NDUFAF6: variants seen among roughly 807,000 people sequenced by gnomAD.
The protein encoded by NDUFAF6 is NADH:ubiquinone oxidoreductase complex assembly factor 6.
In NDUFAF6, 45 loss-of-function variants were observed where a neutral mutation model predicts 40.8. That is an observed-to-expected ratio of 1.10 (90% CI 0.87 to 1.42). The LOEUF (loss-of-function observed/expected upper bound fraction) is 1.42. NDUFAF6 is among the 40% of genes most tolerant of loss of function. The probability of loss-of-function intolerance (pLI) is 0.00; values close to 1 mark genes in which losing one functional copy is unlikely to be tolerated. For missense variants in NDUFAF6, 435 were observed against 418.5 expected (o/e 1.04, Z -0.34); for synonymous variants, 185 against 155.9 (o/e 1.19, Z -1.39).
At chr8:95,019,680 G>A (rs1827610382) in intron 2 of NDUFAF6, among the ~76,000 whole-genome samples, 1 of 152,182 alleles carries the variant, frequency 6.6e-6, no homozygotes, top group Non-Finnish European at 1.5e-5. Context: ...ATAACATAGT[G>A]ACCACTTTGC....
At chr8:95,047,508 CTT>C (rs373655223) in intron 6 of NDUFAF6, among the ~76,000 whole-genome samples, 3,531 of 126,270 alleles carry the variant, frequency 0.028, 117 homozygotes, top group African/African-American at 0.095. Context: ...CTTTTCTTTT[CTT>C]TTTTTTTTTT....
At chr8:95,060,428 A>G (rs769736156), downstream of NDUFAF6, among the ~76,000 whole-genome samples, 8 of 152,258 alleles carry the variant, frequency 5.3e-5, no homozygotes, top group Non-Finnish European at 7.3e-5. Flanking sequence ...GTTGCATATC[A>G]TTATGAAATA....
chr8:95,093,361 G>A (rs1395593069), intron 2 of NDUFAF6, among the ~76,000 whole-genome samples: 2 of 152,188 alleles, frequency 1.3e-5, no homozygotes, highest in African/African-American at 4.8e-5. Context: ...ACTGAAACAT[G>A]ACAATGTGTG....
chr8:95,098,767 T>C (rs2132073895), upstream of NDUFAF6, among the ~76,000 whole-genome samples: 1 of 152,042 alleles, frequency 6.6e-6, no homozygotes, highest in South Asian at 2.1e-4. Flanking sequence ...CATGTTAAAA[T>C]ACAAAATTAG....
At chr8:95,025,965 C>T (rs570512801) in intron 1 of NDUFAF6, among the ~76,000 whole-genome samples, 7 of 152,328 alleles carry the variant, frequency 4.6e-5, no homozygotes, top group Admixed American at 3.9e-4. Context: ...GGCTTAGCCC[C>T]TCTGCCCTTC....
downstream of NDUFAF6, among the ~76,000 whole-genome samples, chr8:95,080,889 C>T (rs1441863690): frequency 6.6e-6 from 1 of 152,110 alleles, no homozygotes; most frequent in Non-Finnish European, 1.5e-5. Context: ...CTGTGTTATC[C>T]CAGGATTTGA....
intron 3 of NDUFAF6, among the ~76,000 whole-genome samples, chr8:95,036,714 C>T (rs1829547723): frequency 6.6e-6 from 1 of 152,188 alleles, no homozygotes; most frequent in African/African-American, 2.4e-5. Flanking sequence ...TCCTTTGATG[C>T]AAATTTATCT....
intron 1 of NDUFAF6, among the ~76,000 whole-genome samples, chr8:94,971,199 T>C (rs1450102542): frequency 6.6e-6 from 1 of 152,216 alleles, no homozygotes; most frequent in Non-Finnish European, 1.5e-5. Context: ...GGGCCTACAG[T>C]GATGCTGCCC....
intron 2 of NDUFAF6, among the ~76,000 whole-genome samples, chr8:95,011,869 T>C (rs1827241211): frequency 6.6e-6 from 1 of 152,234 alleles, no homozygotes; most frequent in African/African-American, 2.4e-5. Context: ...AAGTATCTTA[T>C]ACTTCTGAGT....
chr8:94,912,612 C>T (rs1406456721), intron 1 of NDUFAF6, among the ~76,000 whole-genome samples: 1 of 151,136 alleles, frequency 6.6e-6, no homozygotes, highest in African/African-American at 2.4e-5. Flanking sequence ...TTGGCTGATA[C>T]AGTGAAACCC....
intron 2 of NDUFAF6, among the ~76,000 whole-genome samples, chr8:95,016,184 A>G (rs1827437450): frequency 6.6e-6 from 1 of 152,222 alleles, no homozygotes; most frequent in Non-Finnish European, 1.5e-5. Context: ...AAAGTGATAA[A>G]AGTGTTCAAA....
intron 2 of NDUFAF6, among the ~76,000 whole-genome samples, chr8:95,010,175 A>G (rs1257072327): frequency 6.6e-6 from 1 of 151,672 alleles, no homozygotes; most frequent in Non-Finnish European, 1.5e-5. Context: ...TGTAACCTCC[A>G]CCTCCCGAGT....
intron 1 of NDUFAF6, among the ~76,000 whole-genome samples, chr8:94,979,348 T>C (rs1026153550): frequency 6.6e-6 from 1 of 152,230 alleles, no homozygotes; most frequent in African/African-American, 2.4e-5. Context: ...TGACTTGTGC[T>C]TTCCTATCTC....
intron 2 of NDUFAF6, chr8:94,984,198 T>A (rs1169395711): frequency 6.6e-6 from 1 of 152,238 alleles, no homozygotes; most frequent in Non-Finnish European, 1.5e-5. Flanking sequence ...ATGTGCTGAA[T>A]CCCTATGTAT....
At position 95,058,540 on chromosome 8, in the gene NDUFAF6, T is replaced by A; in HGVS notation, c.*603T>A. 1 of 1,221,924 alleles carries A rather than the reference T, an allele frequency of 8.2e-7. No homozygotes were observed. Among genetic ancestry groups the A allele is most frequent in the Non-Finnish European group, 1.0e-6 (1 of 982,362 alleles). 75.7% of individuals were successfully genotyped at this position (1,221,924 alleles called of 1,614,324 possible). A position where few individuals can be genotyped will look rare whatever the true frequency, so the allele number is the denominator to read the frequency against. On this transcript the variant is annotated 3_prime_UTR_variant, in exon 9 of 9. Transcript: ENST00000396124. The stretch of plus-strand genomic sequence containing the variant: ...GTGGCTGGCAAGAGCAGAGCCTTAA[T>A]TTGACTTTAGCTCTGGCTGGTCTGG...
At chr8:94,971,295 C>T (rs1824439629) in intron 1 of NDUFAF6, among the ~76,000 whole-genome samples, 1 of 152,160 alleles carries the variant, frequency 6.6e-6, no homozygotes, top group Admixed American at 6.5e-5. Flanking sequence ...GGCCTTGACT[C>T]CAAAGGAATG....
chr8:95,060,788 G>C (rs1224989016), downstream of NDUFAF6, among the ~76,000 whole-genome samples: 1 of 152,074 alleles, frequency 6.6e-6, no homozygotes, highest in Non-Finnish European at 1.5e-5. Flanking sequence ...AAGCTCAAAG[G>C]CACATTTTTT....
intron 1 of NDUFAF6, among the ~76,000 whole-genome samples, chr8:94,936,443 G>T (rs1820986206): frequency 6.6e-6 from 1 of 152,216 alleles, no homozygotes; most frequent in South Asian, 2.1e-4. Flanking sequence ...CTGCTTGGTT[G>T]TGGATGGCAG....
At chr8:94,930,590 A>C in intron 1 of NDUFAF6, 1 of 1,614,212 alleles carries the variant, frequency 6.2e-7, no homozygotes, top group Non-Finnish European at 8.5e-7. Context: ...TATTTCTGTT[A>C]AGAGGCTGTC....
Sources: allele counts gnomAD v4.1 joint callset (sites outside exome capture counted in the v4.1 genomes callset), GRCh38; gene constraint gnomAD v4.1.1; transcripts MANE v1.5; gene names NCBI Gene and HGNC (gene_info 2026-07-23, HGNC 2026-07-21).